STAU1: variants seen among roughly 807,000 people sequenced by gnomAD.
STAU1 encodes the protein double-stranded RNA-binding protein Staufen homolog 1.
In STAU1, 13 loss-of-function variants were observed where a neutral mutation model predicts 62.9. The ratio of observed to expected loss-of-function variants is 0.21; its 90% CI spans 0.13 to 0.33. The LOEUF is 0.33. Ranked by LOEUF, STAU1 falls within the 10% of genes least tolerant of loss-of-function variation. STAU1 has a pLI of 1.00. For missense variants in STAU1, 571 were observed against 712.1 expected (o/e 0.80, Z 2.25); for synonymous variants, 269 against 265.1 (o/e 1.01, Z -0.14).
chr20:49,200,550 G>A, the STAU1 span, among the ~76,000 whole-genome samples: 3 of 151,644 alleles, frequency 2.0e-5, no homozygotes, highest in Non-Finnish European at 4.4e-5. Context: ...GCAGTGAGCC[G>A]AGATCGCACC....
chr20:49,127,299 A>G (rs1197788049), intron 6 of STAU1, among the ~76,000 whole-genome samples: 1 of 152,224 alleles, frequency 6.6e-6, no homozygotes, highest in African/African-American at 2.4e-5. Context: ...GGTTGCAGTG[A>G]GCTGAGATGG....
upstream of STAU1, among the ~76,000 whole-genome samples, chr20:49,193,306 A>G (rs2093833508): frequency 6.7e-6 from 1 of 150,204 alleles, no homozygotes; most frequent in Non-Finnish European, 1.5e-5. Context: ...GAACCCAGGA[A>G]GTGGAGGTTG....
intron 5 of STAU1, among the ~76,000 whole-genome samples, chr20:49,146,777 C>T (rs1399498964): frequency 6.6e-6 from 1 of 151,902 alleles, no homozygotes; most frequent in Non-Finnish European, 1.5e-5. Flanking sequence ...ACACTGTATG[C>T]ACAGTAACAG....
chr20:49,205,507 A>C, the STAU1 span, among the ~76,000 whole-genome samples: 7 of 151,448 alleles, frequency 4.6e-5, no homozygotes, highest in African/African-American at 1.7e-4. Context: ...CTGGGATTAC[A>C]GGCACGCACC....
chr20:49,182,202 A>T (rs1485551952), intron 1 of STAU1, among the ~76,000 whole-genome samples: 1 of 152,190 alleles, frequency 6.6e-6, no homozygotes, highest in Non-Finnish European at 1.5e-5. Context: ...GCCTGCAGAA[A>T]TTTTTCTCTA....
chr20:49,113,887 T>C lies in STAU1; in HGVS notation c.*991A>G, dbSNP rs912758520. ...GCCATATGTATAGATACACAATGTT[T>C]TTTAATAATCTTTAAAACAGAGATC... On this transcript the variant is annotated 3_prime_UTR_variant, in exon 14 of 14. Transcript: ENST00000371856. The C allele has an allele frequency of 9.8e-5, 15 of 152,642 alleles. No homozygotes were observed. Among genetic ancestry groups the C allele is most frequent in the Admixed American group, 7.9e-4 (12 of 15,272 alleles). 9.5% of individuals were successfully genotyped at this position (152,642 alleles called of 1,614,324 possible).
At chr20:49,179,980 A>G (rs1363036014) in intron 1 of STAU1, among the ~76,000 whole-genome samples, 1 of 152,266 alleles carries the variant, frequency 6.6e-6, no homozygotes, top group African/African-American at 2.4e-5. Context: ...ATCCAAAGGC[A>G]GATTTAATTT....
chr20:49,174,637 G>A (rs916938109), intron 1 of STAU1, among the ~76,000 whole-genome samples: 9 of 151,718 alleles, frequency 5.9e-5, no homozygotes, highest in African/African-American at 1.9e-4. Flanking sequence ...GGGAAATTAC[G>A]AGGTTAAGAG....
intron 4 of STAU1, among the ~76,000 whole-genome samples, chr20:49,153,268 AG>A (rs1236780164): frequency 2.6e-4 from 38 of 144,212 alleles, no homozygotes; most frequent in African/African-American, 9.1e-4. Context: ...AAAAAAAAAA[AG>A]AAGCACAAAG....
At chr20:49,152,967 G>A (rs988008994) in intron 4 of STAU1, among the ~76,000 whole-genome samples, 5 of 152,076 alleles carry the variant, frequency 3.3e-5, no homozygotes, top group South Asian at 2.1e-4. Flanking sequence ...GAAGCACAAA[G>A]GAGCCGGGCG....
intron 1 of STAU1, among the ~76,000 whole-genome samples, chr20:49,182,062 G>A (rs970980567): frequency 6.6e-6 from 1 of 152,098 alleles, no homozygotes; most frequent in African/African-American, 2.4e-5. Flanking sequence ...ATTTTTAATC[G>A]AAAGCAAACA....
chr20:49,125,205 A>AAAAAC, intron 6 of STAU1, among the ~76,000 whole-genome samples: 1 of 140,674 alleles, frequency 7.1e-6, no homozygotes, highest in African/African-American at 2.7e-5. Flanking sequence ...TTGCAAAAAA[A>AAAAAC]AAAAAAAAAA....
In STAU1 at chr20:49,155,862, A is replaced by G. The variant is rs547289465; in HGVS notation, c.206-1791T>C. Among the ~76,000 whole-genome samples, 5 of 152,354 alleles carry G rather than the reference A, an allele frequency of 3.3e-5. No homozygotes were observed. In the South Asian group the frequency reaches 8.3e-4, roughly 25 times the overall value. ...TACTGCAAAGAAATCAAAAGTAACA[A>G]GAAAGATGTGACTGGTAACTTCCCA... On this transcript the variant is annotated intron_variant, in intron 3 of 13. Coordinates refer to ENST00000371856, the MANE Select transcript of STAU1 (RefSeq NM_017453.4).
chr20:49,137,613 G>A (rs1175378394), intron 5 of STAU1, among the ~76,000 whole-genome samples: 1 of 152,030 alleles, frequency 6.6e-6, no homozygotes, highest in African/African-American at 2.4e-5. Flanking sequence ...GACTATCCAA[G>A]ATTTTATCTG....
chr20:49,196,320 C>CA, the STAU1 span, among the ~76,000 whole-genome samples: 1 of 151,018 alleles, frequency 6.6e-6, no homozygotes, highest in South Asian at 2.1e-4. Flanking sequence ...CCTGTAGTCC[C>CA]AGCTACTCGG....
chr20:49,183,424 G>C (rs1413606651), intron 1 of STAU1, among the ~76,000 whole-genome samples: 1 of 152,206 alleles, frequency 6.6e-6, no homozygotes, highest in Non-Finnish European at 1.5e-5. Flanking sequence ...AGGAGGCTGA[G>C]GTGGGAAGAT....
At chr20:49,196,460 A>AT in the STAU1 span, among the ~76,000 whole-genome samples, 1 of 137,448 alleles carries the variant, frequency 7.3e-6, no homozygotes. Flanking sequence ...AAAAAAAAAA[A>AT]GAAGAAGAAG....
the STAU1 span, among the ~76,000 whole-genome samples, chr20:49,199,462 C>T: frequency 6.6e-6 from 1 of 151,492 alleles, no homozygotes; most frequent in African/African-American, 2.4e-5. Flanking sequence ...ATCTCTTGAC[C>T]TTGTGATCCG....
chr20:49,115,489 C>G (rs905304459), intron 13 of STAU1, among the ~76,000 whole-genome samples: 32 of 152,120 alleles, frequency 2.1e-4, no homozygotes, highest in African/African-American at 7.5e-4. Flanking sequence ...TTAGTAGAGA[C>G]AGGGTTTCAC....
Sources: allele counts gnomAD v4.1 joint callset (sites outside exome capture counted in the v4.1 genomes callset), GRCh38; gene constraint gnomAD v4.1.1; transcripts MANE v1.5; gene names NCBI Gene and HGNC (gene_info 2026-07-23, HGNC 2026-07-21).